SFMBT1: variants seen among roughly 807,000 people sequenced by gnomAD.
The protein encoded by SFMBT1 is Scm like with four mbt domains 1, also known as scm-like with four MBT domains protein 1.
A neutral mutation model predicts 108.7 loss-of-function variants in SFMBT1; 32 were observed. The ratio of observed to expected loss-of-function variants is 0.29; its 90% CI spans 0.22 to 0.40. The LOEUF is 0.40. Among genes scored for constraint, SFMBT1 ranks in the 10% least tolerant of loss-of-function variants. The pLI is 1.00. For synonymous variants in SFMBT1, 348 were observed against 369.5 expected (o/e 0.94, Z 0.67); for missense variants, 816 against 1,059.6 (o/e 0.77, Z 3.19).
At chr3:52,986,183 T>C (rs974325260) in intron 1 of SFMBT1, among the ~76,000 whole-genome samples, 1 of 151,120 alleles carries the variant, frequency 6.6e-6, no homozygotes, top group Non-Finnish European at 1.5e-5. Flanking sequence ...GGAACACTTA[T>C]ATAGGGCACT....
intron 14 of SFMBT1, 37 bp from the exon 15 acceptor site, chr3:52,913,654 A>G: frequency 6.2e-7 from 1 of 1,606,432 alleles, no homozygotes; most frequent in Non-Finnish European, 8.5e-7. Context: ...CAAAACAGTC[A>G]TTCTCTACCC....
Position 53,002,752 on chromosome 3 carries a change from A to C in SFMBT1, c.-130-33494T>G, listed in dbSNP as rs141401087. On this transcript the variant is annotated intron_variant, in intron 1 of 20. Transcript: ENST00000394752. ...CTTAAACTTGAAGCAGGAATTTTCAAAACAGCCTCCTCTTTCTTTCAGCAA... is the reference window on the plus strand; with the variant it reads ...CTTAAACTTGAAGCAGGAATTTTCACAACAGCCTCCTCTTTCTTTCAGCAA... 2.3e-3 allele frequency among the ~76,000 whole-genome samples: 342 copies of C among 150,488 alleles called. 10 individuals carry two copies. Among genetic ancestry groups the C allele is most frequent in the African/African-American group, 7.3e-3 (301 of 41,430 alleles).
At chr3:52,958,071 G>A (rs990107064) in intron 2 of SFMBT1, among the ~76,000 whole-genome samples, 1 of 151,980 alleles carries the variant, frequency 6.6e-6, no homozygotes, top group Non-Finnish European at 1.5e-5. Flanking sequence ...TCTGACAAAG[G>A]TATAATACCC....
At chr3:52,922,655 A>G (rs1473815486) in intron 10 of SFMBT1, among the ~76,000 whole-genome samples, 3 of 152,204 alleles carry the variant, frequency 2.0e-5, no homozygotes, top group African/African-American at 7.2e-5. Flanking sequence ...AGTCAAAACA[A>G]GGAGGATTTG....
At chr3:52,950,988 G>A (rs972799289) in intron 3 of SFMBT1, among the ~76,000 whole-genome samples, 1 of 151,016 alleles carries the variant, frequency 6.6e-6, no homozygotes, top group African/African-American at 2.4e-5. Context: ...GTCAAGCATG[G>A]TGGTGGGTGT....
chr3:52,986,027 C>T (rs550624999), intron 1 of SFMBT1, among the ~76,000 whole-genome samples: 2 of 151,838 alleles, frequency 1.3e-5, no homozygotes, highest in African/African-American at 4.8e-5. Context: ...CCTGTAGTCC[C>T]AGCTACTCAG....
intron 1 of SFMBT1, among the ~76,000 whole-genome samples, chr3:52,984,354 A>G (rs1704829082): frequency 6.6e-6 from 1 of 152,078 alleles, no homozygotes; most frequent in African/African-American, 2.4e-5. Flanking sequence ...GCTTCATTTG[A>G]ACATCATAAA....
intron 2 of SFMBT1, among the ~76,000 whole-genome samples, chr3:52,961,884 A>C (rs1458874982): frequency 1.3e-5 from 2 of 152,174 alleles, no homozygotes; most frequent in East Asian, 3.8e-4. Context: ...AAAAATAAAA[A>C]ATAAGTAACA....
intron 3 of SFMBT1, among the ~76,000 whole-genome samples, chr3:52,951,670 T>G (rs1239008095): frequency 6.6e-6 from 1 of 152,202 alleles, no homozygotes; most frequent in Non-Finnish European, 1.5e-5. Context: ...CCGAATTAAA[T>G]GAATAGGTTG....
At position 52,932,266 on chromosome 3, in the gene SFMBT1, A is replaced by G. The variant is rs1702883112; in HGVS notation, c.496T>C (p.Ser166Pro). 1 of 1,614,106 alleles carries G rather than the reference A, an allele frequency of 6.2e-7. No homozygotes were observed. Among genetic ancestry groups the G allele is most frequent in the Non-Finnish European group, 8.5e-7 (1 of 1,180,032 alleles). ...RNPLDLIAPG[S>P]RLECQAFQDS... ...TGGAAAGCTTGACATTCTAGTCTGGATCCTGGAGCAATGAGATCTAAAGGA... is the reference window on the plus strand; with the variant it reads ...TGGAAAGCTTGACATTCTAGTCTGGGTCCTGGAGCAATGAGATCTAAAGGA... The change falls in exon 6 of 21, where the codon TCC (serine) becomes CCC (proline). Residue 166 changes from serine to proline, a missense_variant. By Grantham distance (74) the Ser-to-Pro change is moderately conservative. This residue lies in a region of SFMBT1 where 495 missense variants were observed against 607.4 expected (regional missense o/e 0.81). Coordinates refer to ENST00000394752, the MANE Select transcript of SFMBT1 (RefSeq NM_016329.4).
intron 1 of SFMBT1, among the ~76,000 whole-genome samples, chr3:52,975,809 C>T (rs1704499150): frequency 6.6e-6 from 1 of 152,064 alleles, no homozygotes; most frequent in Admixed American, 6.6e-5. Context: ...ACCATGTTGG[C>T]CAGGCTGGTC....
At position 52,907,261 on chromosome 3, in the gene SFMBT1, T is replaced by C; in HGVS notation, c.2139A>G (p.Leu713=). Residue 713 remains leucine, a synonymous_variant, in exon 19 of 21, where the codon CTA becomes CTG. Transcript: ENST00000394752. ...DDPDEGDDDS[L]SEGSTSEQQD... ...GCTGCTCGGATGTACTGCCTTCACT[T>C]AGGGAATCATCATCCCCTTCATCTG... 1 of 1,614,046 alleles carries C rather than the reference T, an allele frequency of 6.2e-7. No individual in the cohort carries two copies. Among genetic ancestry groups the C allele is most frequent in the South Asian group, 1.1e-5 (1 of 91,080 alleles).
Position 52,912,580 on chromosome 3 carries a change from T to C in SFMBT1, c.1688A>G (p.Lys563Arg), listed in dbSNP as rs1702242844. ...CCCACATCCGTGCCACACAGAGTCT[T>C]TGTCCAGCTGGAGCTCCCGAAGGAC... ...SRVLRELQLD[K>R]DSVWHGCGEV... Residue 563 changes from lysine to arginine, a missense_variant, in exon 16 of 21, where the codon AAA (lysine) becomes AGA (arginine). By Grantham distance (26) the Lys-to-Arg change is conservative. Coordinates refer to ENST00000394752, the MANE Select transcript of SFMBT1 (RefSeq NM_016329.4). The C allele has an allele frequency of 6.2e-7, 1 of 1,614,146 alleles. No homozygotes were observed. The highest frequency in any genetic ancestry group is 2.2e-5 in the East Asian group (1 of 44,888).
chr3:53,008,047 C>A (rs1247604145), intron 1 of SFMBT1, among the ~76,000 whole-genome samples: 2 of 145,958 alleles, frequency 1.4e-5, no homozygotes, highest in African/African-American at 2.5e-5. Context: ...TGAACTGAAT[C>A]CTTTTGCTTG....
intron 13 of SFMBT1, among the ~76,000 whole-genome samples, chr3:52,917,911 T>C (rs1202230023): frequency 6.6e-6 from 1 of 152,216 alleles, no homozygotes; most frequent in Non-Finnish European, 1.5e-5. Context: ...CTGTGGTATT[T>C]TGTATGGCAG....
intron 3 of SFMBT1, among the ~76,000 whole-genome samples, chr3:52,952,469 T>C (rs543177493): frequency 3.9e-5 from 6 of 152,324 alleles, no homozygotes; most frequent in South Asian, 2.1e-4. Flanking sequence ...TGTTTGGATA[T>C]AGGCCCTTTA....
intron 4 of SFMBT1, among the ~76,000 whole-genome samples, chr3:52,935,928 T>C (rs1385720930): frequency 6.6e-6 from 1 of 152,220 alleles, no homozygotes; most frequent in African/African-American, 2.4e-5. Flanking sequence ...TCTGATTTCA[T>C]TGGTTACGTC....
intron 1 of SFMBT1, among the ~76,000 whole-genome samples, chr3:52,979,700 T>C (rs1704640832): frequency 1.3e-5 from 2 of 152,230 alleles, no homozygotes; most frequent in African/African-American, 4.8e-5. Context: ...ATAGCAGTTA[T>C]TCTACTTAAA....
In SFMBT1 at chr3:53,003,772, A is replaced by AAAAAAG. The variant is rs1553642493; in HGVS notation, c.-130-34515_-130-34514insCTTTTT. 1.4e-3 allele frequency among the ~76,000 whole-genome samples: 194 copies of AAAAAAG among 143,026 alleles called. 3 individuals carry two copies. The highest frequency in any genetic ancestry group is 7.2e-3 in the Middle Eastern group (2 of 278). 93.8% of individuals were successfully genotyped at this position (143,026 alleles called of 152,430 possible). ...CCATAGAAAGGTCAAAAAAAAAAAAAAAAGAAAAGAAACTGCTGTATTTCA... is the reference window on the plus strand; with the variant it reads ...CCATAGAAAGGTCAAAAAAAAAAAAAAAAAAGAAAGAAAAGAAACTGCTGTATTTCA... On this transcript the variant is annotated intron_variant, in intron 1 of 20. Coordinates refer to ENST00000394752, the MANE Select transcript of SFMBT1 (RefSeq NM_016329.4).
Sources: allele counts gnomAD v4.1 joint callset (sites outside exome capture counted in the v4.1 genomes callset), GRCh38; gene constraint gnomAD v4.1.1; regional missense constraint gnomAD v4.1.1; transcripts MANE v1.5; gene names NCBI Gene and HGNC (gene_info 2026-07-23, HGNC 2026-07-21).